The following FBXW12 variants were observed in gnomAD, a reference collection of about 807,000 sequenced individuals.
FBXW12 encodes F-box and WD repeat domain containing 12, also known as F-box/WD repeat-containing protein 12.
FBXW12 carries 43 observed loss-of-function variants against 55.3 expected under a neutral mutation model. The observed-to-expected ratio is 0.78, with a 90% CI of 0.61 to 1.00. The LOEUF is 1.00. FBXW12 is among the 50% of genes least tolerant of loss of function. The pLI is 0.00. For synonymous variants in FBXW12, 184 were observed against 203.8 expected (o/e 0.90, Z 0.83); for missense variants, 524 against 560.5 (o/e 0.93, Z 0.66).
intron 10 of FBXW12, among the ~76,000 whole-genome samples, chr3:48,388,793 C>A (rs908171719): frequency 2.0e-5 from 3 of 152,188 alleles, no homozygotes; most frequent in Non-Finnish European, 4.4e-5. Flanking sequence ...TGTTTTCTTG[C>A]ATGTATACGC....
chr3:48,375,983 T>C (rs1236585030), intron 5 of FBXW12, among the ~76,000 whole-genome samples: 7 of 127,506 alleles, frequency 5.5e-5, no homozygotes, highest in African/African-American at 2.1e-4. Context: ...CCTTTTTTTT[T>C]TTTTTTTTTT....
chr3:48,375,529 T>C (rs2036670478), intron 5 of FBXW12, 57 bp downstream of exon 5: 3 of 1,022,694 alleles, frequency 2.9e-6, no homozygotes, highest in African/African-American at 1.7e-5. Flanking sequence ...TCCTGTTCTA[T>C]ATATGAAACG....
At position 48,382,210 on chromosome 3, in the gene FBXW12, G is replaced by A. The variant is rs191381241; in HGVS notation, c.1295+125G>A. 128 of 1,065,584 alleles carry A rather than the reference G, an allele frequency of 1.2e-4. No individual in the cohort carries two copies. In the African/African-American group the frequency reaches 1.3e-3, roughly 11 times the overall value. 66.0% of individuals were successfully genotyped at this position (1,065,584 alleles called of 1,614,324 possible). ...CAACTCACTGCAACCTCCGACTCCC[G>A]GGTTCTAGCAATTCTCCTGCTTCAG... On this transcript the variant is annotated intron_variant, in intron 10 of 10. Coordinates refer to ENST00000296438, the MANE Select transcript of FBXW12 (RefSeq NM_207102.2).
At chr3:48,391,688 T>C (rs1022942169) in intron 10 of FBXW12, among the ~76,000 whole-genome samples, 1 of 152,214 alleles carries the variant, frequency 6.6e-6, no homozygotes, top group African/African-American at 2.4e-5. Context: ...TGAGGGTTTT[T>C]GTCACAAAGG....
chr3:48,383,435 T>C (rs971564700), intron 10 of FBXW12, among the ~76,000 whole-genome samples: 1 of 152,226 alleles, frequency 6.6e-6, no homozygotes, highest in Non-Finnish European at 1.5e-5. Context: ...GTTGTTAATA[T>C]TGAGTTTCTT....
rs1326214368 is a variant in FBXW12 at position 48,394,614 on chromosome 3, A to G, written c.1350A>G (p.Lys450=). The change falls in exon 11 of 11, where the codon AAA becomes AAG. Residue 450 remains lysine (K), a synonymous_variant. Coordinates refer to ENST00000296438, the MANE Select transcript of FBXW12 (RefSeq NM_207102.2). ...DNASIVLRVR[K]VSDSSILVMY... The stretch of plus-strand genomic sequence containing the variant: ...CAAGCATAGTACTTAGGGTGAGGAA[A>G]GTAAGTGACTCCAGCATTCTGGTGA... 1 of 1,607,974 alleles carries G rather than the reference A, an allele frequency of 6.2e-7. No homozygotes were observed. The highest frequency in any genetic ancestry group is 1.1e-5 in the South Asian group (1 of 90,038).
At chr3:48,392,874 C>T (rs1489359928) in intron 10 of FBXW12, among the ~76,000 whole-genome samples, 8 of 151,880 alleles carry the variant, frequency 5.3e-5, no homozygotes, top group Admixed American at 6.6e-5. Flanking sequence ...TGAAATTCTT[C>T]GAGTTTAACC....
At chr3:48,394,241 C>T (rs1237324029) in intron 10 of FBXW12, among the ~76,000 whole-genome samples, 1 of 152,060 alleles carries the variant, frequency 6.6e-6, no homozygotes, top group African/African-American at 2.4e-5. Context: ...CAGCGAGGCC[C>T]TGTCTCAGGA....
At chr3:48,375,267 G>A in intron 4 of FBXW12, 87 bp from the exon 5 acceptor site, 1 of 857,994 alleles carries the variant, frequency 1.2e-6, no homozygotes, top group East Asian at 2.5e-5. Flanking sequence ...CTTCCTAAGA[G>A]GGTACAGAAA....
intron 4 of FBXW12, among the ~76,000 whole-genome samples, chr3:48,374,954 A>G (rs2036661936): frequency 1.3e-5 from 2 of 151,216 alleles, no homozygotes; most frequent in African/African-American, 2.4e-5. Flanking sequence ...TAGTAGAGAC[A>G]GGTTTAGCAT....
intron 10 of FBXW12, among the ~76,000 whole-genome samples, chr3:48,382,539 T>C (rs2036794037): frequency 6.6e-6 from 1 of 152,170 alleles, no homozygotes; most frequent in Non-Finnish European, 1.5e-5. Flanking sequence ...CTTGAAGTCA[T>C]GGGACTTGCA....
At position 48,373,661 on chromosome 3, in the gene FBXW12, T is replaced by C; in HGVS notation, c.242T>C (p.Leu81Ser). The C allele has an allele frequency of 6.2e-7, 1 of 1,614,200 alleles. No individual in the cohort carries two copies. Among genetic ancestry groups the C allele is most frequent in the Non-Finnish European group, 8.5e-7 (1 of 1,180,036 alleles). ...AGAAGGAAGGAGCTTCGGTTGGCAT[T>C]GGCACAGCCGCATAACTTTATCTAC... is the stretch of plus-strand genomic sequence containing the variant. ...HQRRKELRLA[L>S]AQPHNFIYKV... The change falls in exon 4 of 11, where the codon TTG (leucine) becomes TCG (serine). Residue 81 changes from leucine to serine, a missense_variant. Leu to Ser is a moderately radical substitution (Grantham distance 145). Coordinates refer to ENST00000296438, the MANE Select transcript of FBXW12 (RefSeq NM_207102.2).
chr3:48,378,602 C>CTG, intron 6 of FBXW12, 76 bp downstream of exon 6: 1 of 905,194 alleles, frequency 1.1e-6, no homozygotes, highest in Non-Finnish European at 1.7e-6. Flanking sequence ...TGTCACATTA[C>CTG]TGTCCTATCC....
At chr3:48,392,261 G>T (rs184211146) in intron 10 of FBXW12, among the ~76,000 whole-genome samples, 49 of 152,134 alleles carry the variant, frequency 3.2e-4, no homozygotes, top group Middle Eastern at 3.4e-3. Context: ...AACCATCCTG[G>T]CTAACACGGT....
At chr3:48,385,130 T>C (rs1367739722) in intron 10 of FBXW12, among the ~76,000 whole-genome samples, 1 of 152,150 alleles carries the variant, frequency 6.6e-6, no homozygotes, top group East Asian at 1.9e-4. Flanking sequence ...TCCCCCTCTC[T>C]CCCAGCCTCT....
intron 10 of FBXW12, among the ~76,000 whole-genome samples, chr3:48,383,476 T>C (rs955984419): frequency 6.6e-6 from 1 of 152,202 alleles, no homozygotes; most frequent in African/African-American, 2.4e-5. Flanking sequence ...CTTTATATAT[T>C]TGGAATACAC....
chr3:48,393,924 G>A (rs956249252), intron 10 of FBXW12, among the ~76,000 whole-genome samples: 5 of 151,634 alleles, frequency 3.3e-5, no homozygotes, highest in East Asian at 1.9e-4. Context: ...GACTACAGGC[G>A]TGCACCACCA....
intron 4 of FBXW12, among the ~76,000 whole-genome samples, chr3:48,374,150 C>A (rs1205319280): frequency 6.6e-6 from 1 of 152,100 alleles, no homozygotes; most frequent in Non-Finnish European, 1.5e-5. Flanking sequence ...GAGACCCCCC[C>A]TCCATCTCTA....
Position 48,380,876 on chromosome 3 carries a change from A to G in FBXW12, c.949A>G (p.Thr317Ala). 2 of 1,614,066 alleles carry G rather than the reference A, an allele frequency of 1.2e-6. No homozygotes were observed. The highest frequency in any genetic ancestry group is 1.7e-6 in the Non-Finnish European group (2 of 1,180,012). ...GACAGAATTTATCACCTTTGATCTA[A>G]CAACCAAGAAGACTGGAGGCCAAAC... ...KKTEFITFDL[T>A]TKKTGGQTVI... The change falls in exon 8 of 11, where the codon ACA (threonine) becomes GCA (alanine). Residue 317 changes from threonine (T) to alanine (A), a missense_variant. Physicochemically the swap from Thr to Ala is moderately conservative, Grantham distance 58 (BLOSUM62 0). Transcript: ENST00000296438.
Sources: allele counts gnomAD v4.1 joint callset (sites outside exome capture counted in the v4.1 genomes callset), GRCh38; gene constraint gnomAD v4.1.1; transcripts MANE v1.5; gene names NCBI Gene and HGNC (gene_info 2026-07-23, HGNC 2026-07-21).